Variants in ANK1 observed in about 807,000 individuals in gnomAD.
ANK1 encodes the protein ankyrin 1.
A neutral mutation model predicts 210.4 loss-of-function variants in ANK1; 51 were observed. The ratio of observed to expected loss-of-function variants is 0.24; its 90% CI spans 0.19 to 0.31. The LOEUF (loss-of-function observed/expected upper bound fraction) is 0.31. Ranked by LOEUF, ANK1 falls within the 10% of genes least tolerant of loss-of-function variation. The probability of loss-of-function intolerance (pLI) is 1.00; values close to 1 mark genes in which losing one functional copy is unlikely to be tolerated. For missense variants in ANK1, 2,051 were observed against 2,504.4 expected (o/e 0.82, Z 3.86); for synonymous variants, 967 against 1,025.9 (o/e 0.94, Z 1.10).
intron 1 of ANK1, among the ~76,000 whole-genome samples, chr8:41,890,028 G>C (rs999348826): frequency 3.9e-5 from 6 of 152,140 alleles, no homozygotes; most frequent in African/African-American, 1.4e-4. Flanking sequence ...GCCTTCCCCG[G>C]CAAACCTCAA....
rs748011358 is a variant in ANK1 at position 41,692,777 on chromosome 8, G to A, written c.3729C>T (p.Val1243=). The A allele has an allele frequency of 6.2e-7, 1 of 1,614,130 alleles. No homozygotes were observed. The highest frequency in any genetic ancestry group is 8.5e-7 in the Non-Finnish European group (1 of 1,180,030). ...LTAVPYMAKF[V]IFAKMNDPRE... is the part of the protein sequence containing the mutation. ...GGGGGTCATTCATCTTGGCAAAGAT[G>A]ACGAATTTGGCCATGTAGGGCACTG... is the stretch of plus-strand genomic sequence containing the variant. Residue 1243 remains valine, a synonymous_variant, in exon 31 of 43, where the codon GTC becomes GTT. Coordinates refer to ENST00000289734, the MANE Select transcript of ANK1 (RefSeq NM_000037.4).
intron 1 of ANK1, among the ~76,000 whole-genome samples, chr8:41,871,158 G>T (rs1370819276): frequency 6.6e-6 from 1 of 152,164 alleles, no homozygotes; most frequent in African/African-American, 2.4e-5. Context: ...CAGGTCCAGG[G>T]TGCCTTCCCA....
intron 1 of ANK1, among the ~76,000 whole-genome samples, chr8:41,876,628 G>C (rs1320496793): frequency 1.3e-5 from 2 of 152,224 alleles, no homozygotes; most frequent in African/African-American, 4.8e-5. Context: ...CACCTCTAAA[G>C]GGCTCTGGTT....
In ANK1 at chr8:41,797,112, C is replaced by T. The variant is rs924782070; in HGVS notation, c.27+400G>A. Among the ~76,000 whole-genome samples, 18 of 152,278 alleles carry T rather than the reference C, an allele frequency of 1.2e-4. No homozygotes were observed. Among genetic ancestry groups the T allele is most frequent in the Admixed American group, 2.0e-4 (3 of 15,304 alleles). ...ACAGCCCCCTAGCCGGGTGGCCCAC[C>T]CCGCAGCCTGTAATAACACACCTAC... On this transcript the variant is annotated intron_variant, in intron 1 of 42. Coordinates refer to ENST00000289734, the MANE Select transcript of ANK1 (RefSeq NM_000037.4). This position sits in a 1 kb window ranked among gnomAD's most constrained non-coding sequence, Gnocchi z 4.0.
chr8:41,893,284 A>C (rs1819788324), intron 1 of ANK1, among the ~76,000 whole-genome samples: 1 of 152,208 alleles, frequency 6.6e-6, no homozygotes, highest in South Asian at 2.1e-4. Flanking sequence ...GGGACTTATC[A>C]GTAAATATCA....
chr8:41,853,672 T>C (rs1486573161), intron 1 of ANK1, among the ~76,000 whole-genome samples: 3 of 152,204 alleles, frequency 2.0e-5, no homozygotes, highest in African/African-American at 7.2e-5. Flanking sequence ...CACCGCCTTA[T>C]AACAGATACC....
chr8:41,749,354 G>C (rs1034448827), intron 2 of ANK1, among the ~76,000 whole-genome samples: 7 of 138,616 alleles, frequency 5.0e-5, no homozygotes, highest in Non-Finnish European at 1.1e-4. Flanking sequence ...CTGGAGTGCA[G>C]TGGCACAATC....
chr8:41,702,760 C>T (rs1823212846), intron 20 of ANK1, among the ~76,000 whole-genome samples: 1 of 152,184 alleles, frequency 6.6e-6, no homozygotes, highest in South Asian at 2.1e-4. Context: ...GCCTTGGGCT[C>T]CGTTCAGATT....
intron 42 of ANK1, among the ~76,000 whole-genome samples, chr8:41,659,030 G>A (rs922575312): frequency 7.2e-5 from 11 of 152,184 alleles, no homozygotes; most frequent in African/African-American, 2.7e-4. Context: ...ACAATATTTT[G>A]GTCAACTGAT....
At chr8:41,879,966 G>GGTTCC (rs1817294646) in intron 1 of ANK1, among the ~76,000 whole-genome samples, 1 of 152,234 alleles carries the variant, frequency 6.6e-6, no homozygotes, top group African/African-American at 2.4e-5. Context: ...GGAATGCAAA[G>GGTTCC]GGAACCAAGG....
At chr8:41,883,182 A>C (rs1465751326) in intron 1 of ANK1, among the ~76,000 whole-genome samples, 2 of 152,166 alleles carry the variant, frequency 1.3e-5, no homozygotes, top group Non-Finnish European at 2.9e-5. Flanking sequence ...ATCAGCATAG[A>C]TTCCTCCCCA....
intron 37 of ANK1, among the ~76,000 whole-genome samples, chr8:41,682,193 G>A (rs1223101776): frequency 2.8e-5 from 4 of 144,484 alleles, no homozygotes; most frequent in African/African-American, 7.8e-5. Flanking sequence ...CTTTGCCCCC[G>A]CCTCCAGCCC....
chr8:41,717,531 G>T, intron 12 of ANK1, 73 bp downstream of exon 12: 1 of 1,334,282 alleles, frequency 7.5e-7, no homozygotes. Context: ...GAGTAGGACT[G>T]GGAGCACTGG....
chr8:41,822,451 T>G lies in ANK1; in HGVS notation c.127-64314A>C, dbSNP rs976719766. Among the ~76,000 whole-genome samples the G allele has an allele frequency of 2.0e-5, 3 of 152,376 alleles. No individual in the cohort carries two copies. In the South Asian group the frequency reaches 6.2e-4, roughly 32 times the overall value. On this transcript the variant is annotated intron_variant, in intron 1 of 42. Coordinates refer to the ANK1 transcript ENST00000265709. ...CTTCATACTTCTATCAGTAAAAATA[T>G]TTTTTGAGTAGGTATCTTCAATATA...
At chr8:41,707,098 T>TTAAA (rs1289775718) in intron 17 of ANK1, among the ~76,000 whole-genome samples, 2 of 152,158 alleles carry the variant, frequency 1.3e-5, no homozygotes, top group Non-Finnish European at 2.9e-5. Context: ...AGACTCCATC[T>TTAAA]TAAATAAATA....
chr8:41,693,235 T>C (rs984105807), intron 29 of ANK1, 34 bp from the exon 30 acceptor site: 11 of 1,515,864 alleles, frequency 7.3e-6, no homozygotes, highest in Admixed American at 6.7e-5. Context: ...CTGGGGACAG[T>C]CTTCAGGATG....
intron 1 of ANK1, among the ~76,000 whole-genome samples, chr8:41,877,394 G>C (rs1816789884): frequency 1.3e-5 from 2 of 152,258 alleles, no homozygotes; most frequent in African/African-American, 4.8e-5. Context: ...TTCCAGCTGA[G>C]ACCCTGGGCG....
Position 41,725,868 on chromosome 8 carries a change from T to C in ANK1, c.505A>G (p.Lys169Glu), listed in dbSNP as rs1830560668. ...AGGGCCGGGAGGCGCACCTTCCCCT[T>C]GGTGCCGTAGTTGATGAGGTGCGCG... The part of the protein sequence containing the change: ...VVAHLINYGT[K>E]GKVRLPALHI... Residue 169 changes from lysine (K) to glutamate (E), a missense_variant, in exon 6 of 43, where the codon AAG becomes GAG. Physicochemically the swap from Lys to Glu is moderately conservative, Grantham distance 56. Transcript: ENST00000289734. 1 of 1,612,972 alleles carries C rather than the reference T, an allele frequency of 6.2e-7. No homozygotes were observed. Among genetic ancestry groups the C allele is most frequent in the East Asian group, 2.2e-5 (1 of 44,878 alleles).
intron 3 of ANK1, among the ~76,000 whole-genome samples, chr8:41,732,004 C>A (rs946080577): frequency 2.0e-5 from 3 of 152,192 alleles, no homozygotes; most frequent in Non-Finnish European, 4.4e-5. Flanking sequence ...GAAAAAAATA[C>A]CCCGTATCCA....
Sources: allele counts gnomAD v4.1 joint callset (sites outside exome capture counted in the v4.1 genomes callset), GRCh38; gene constraint gnomAD v4.1.1; non-coding constraint Gnocchi (gnomAD v3.1); transcripts MANE v1.5; gene names NCBI Gene and HGNC (gene_info 2026-07-23, HGNC 2026-07-21).